Variants in HNRNPLL observed in about 807,000 individuals in gnomAD.
The protein encoded by HNRNPLL is heterogeneous nuclear ribonucleoprotein L-like.
A neutral mutation model predicts 67.1 loss-of-function variants in HNRNPLL; 25 were observed. The ratio of observed to expected loss-of-function variants is 0.37; its 90% CI spans 0.27 to 0.52. HNRNPLL has a LOEUF of 0.52. HNRNPLL is among the 20% of genes least tolerant of loss of function. The pLI is 0.90. For missense variants in HNRNPLL, 542 were observed against 673.9 expected, an observed-to-expected ratio of 0.80 and a Z score of 2.17; for synonymous variants, 267 against 241.7, an observed-to-expected ratio of 1.10 and a Z score of -0.97.
intron 2 of HNRNPLL, among the ~76,000 whole-genome samples, chr2:38,589,920 T>C (rs1666894772): frequency 6.6e-6 from 1 of 152,144 alleles, no homozygotes; most frequent in Admixed American, 6.5e-5. Context: ...CATAGGACAA[T>C]GTGCCACTTA....
At chr2:38,601,166 T>C (rs1466842933) in intron 1 of HNRNPLL, among the ~76,000 whole-genome samples, 1 of 152,252 alleles carries the variant, frequency 6.6e-6, no homozygotes, top group East Asian at 1.9e-4. Context: ...TTCAAATAGC[T>C]CGGCACAAAA....
Position 38,602,880 on chromosome 2 carries a change from T to G in HNRNPLL, c.-254A>C. On this transcript the variant is annotated 5_prime_UTR_variant, in exon 1 of 13. Transcript: ENST00000449105. ...ACCGAGCCAACATTCAGCCTCTCCC[T>G]CCTCCTCCTCCGTCTCCGCTCCCTG... 1 of 1,523,308 alleles carries G rather than the reference T, an allele frequency of 6.6e-7. No homozygotes were observed. The highest frequency in any genetic ancestry group is 8.9e-7 in the Non-Finnish European group (1 of 1,125,778). 94.4% of individuals were successfully genotyped at this position (1,523,308 alleles called of 1,614,324 possible).
intron 6 of HNRNPLL, 134 bp downstream of exon 6, chr2:38,581,779 C>A: frequency 3.0e-6 from 2 of 669,796 alleles, no homozygotes; most frequent in Non-Finnish European, 5.3e-6. Flanking sequence ...CATTACATGG[C>A]CTTTTGCAAC....
At chr2:38,567,407 T>C (rs1665909682) in intron 12 of HNRNPLL, among the ~76,000 whole-genome samples, 1 of 152,148 alleles carries the variant, frequency 6.6e-6, no homozygotes, top group Non-Finnish European at 1.5e-5. Context: ...TGAGTCACAG[T>C]GCCTAGCCAA....
At chr2:38,571,488 T>C (rs897175083) in intron 8 of HNRNPLL, among the ~76,000 whole-genome samples, 9 of 152,202 alleles carry the variant, frequency 5.9e-5, no homozygotes, top group African/African-American at 2.2e-4. Flanking sequence ...AAATGCAACA[T>C]GGCTTCTATT....
chr2:38,566,351 G>C (rs1301145828), intron 12 of HNRNPLL, among the ~76,000 whole-genome samples: 1 of 130,886 alleles, frequency 7.6e-6, no homozygotes, highest in African/African-American at 3.0e-5. Context: ...CTGGGGGACA[G>C]AGCAAGACTC....
rs1244579585 is a variant in HNRNPLL at position 38,563,239 on chromosome 2, T to G, written c.*943A>C. The G allele has an allele frequency of 6.6e-6, 1 of 152,038 alleles. No individual in the cohort carries two copies. The highest frequency in any genetic ancestry group is 1.5e-5 in the Non-Finnish European group (1 of 67,930). 9.4% of individuals were successfully genotyped at this position (152,038 alleles called of 1,614,324 possible). On this transcript the variant is annotated 3_prime_UTR_variant, in exon 13 of 13. Coordinates refer to ENST00000449105, the MANE Select transcript of HNRNPLL (RefSeq NM_138394.4). ...GTATTGAGACAAATAGCTATCTGTTTGGAATAAAAATAAAATTAGATCCTT... is the reference window on the plus strand; with the variant it reads ...GTATTGAGACAAATAGCTATCTGTTGGGAATAAAAATAAAATTAGATCCTT...
At chr2:38,569,071 TA>T in intron 10 of HNRNPLL, 61 bp downstream of exon 10, 2 of 1,213,540 alleles carry the variant, frequency 1.6e-6, no homozygotes, top group Non-Finnish European at 2.4e-6. Flanking sequence ...AAAATGAAGC[TA>T]AAACAGATTT....
chr2:38,602,274 AG>A, intron 1 of HNRNPLL, 163 bp downstream of exon 1: 1 of 626,362 alleles, frequency 1.6e-6, no homozygotes, highest in Non-Finnish European at 2.6e-6. Flanking sequence ...TGCGGGAAAC[AG>A]GTAGAGGCCA....
chr2:38,568,332 C>T (rs1179906947), intron 11 of HNRNPLL, 35 bp from the exon 12 acceptor site: 1 of 1,604,244 alleles, frequency 6.2e-7, no homozygotes, highest in East Asian at 2.2e-5. Flanking sequence ...GTTATTATTA[C>T]TTGCTTATCA....
At position 38,592,763 on chromosome 2, in the gene HNRNPLL, CG is replaced by C. The variant is rs1197614999; in HGVS notation, c.190-1116del. On this transcript the variant is annotated intron_variant, in intron 1 of 12. Transcript: ENST00000449105. ...ATGCCATCAGGCACTTCTCTTGCAT[CG>C]TAACTTCAGAAATGACTTCCACCGT... Among the ~76,000 whole-genome samples, 3 of 152,206 alleles carry C rather than the reference CG, an allele frequency of 2.0e-5. No individual in the cohort carries two copies. The East Asian group carries it at 5.8e-4, about 29-fold the overall frequency.
intron 12 of HNRNPLL, among the ~76,000 whole-genome samples, chr2:38,564,691 G>C (rs1052332134): frequency 9.2e-5 from 14 of 151,450 alleles, no homozygotes; most frequent in African/African-American, 3.4e-4. Flanking sequence ...TTACTGGAAG[G>C]TAAGCTCATG....
At chr2:38,580,163 T>A (rs1302903074) in intron 6 of HNRNPLL, among the ~76,000 whole-genome samples, 31 of 152,126 alleles carry the variant, frequency 2.0e-4, no homozygotes, top group Non-Finnish European at 5.9e-5. Flanking sequence ...GAGATTTTTT[T>A]AAAAAAACAA....
In HNRNPLL at chr2:38,573,438, G is replaced by T; in HGVS notation, c.875-11C>A. 1 of 1,555,384 alleles carries T rather than the reference G, an allele frequency of 6.4e-7. No individual in the cohort carries two copies. Among genetic ancestry groups the T allele is most frequent in the South Asian group, 1.1e-5 (1 of 87,968 alleles). ...ATGGACCATGGGATCCTATAAAAAT[G>T]ATCAAAATAAATAAATTAGTTAACA... On this transcript the variant is annotated splice_polypyrimidine_tract_variant and intron_variant, in intron 7 of 12. Transcript: ENST00000449105.
intron 7 of HNRNPLL, 42 bp downstream of exon 7, chr2:38,577,415 TCAAA>T: frequency 8.6e-7 from 1 of 1,156,318 alleles, no homozygotes; most frequent in Non-Finnish European, 1.3e-6. Context: ...ATGCAGCAAG[TCAAA>T]CAGTTCATCT....
At chr2:38,570,774 C>T (rs1407016059) in intron 8 of HNRNPLL, among the ~76,000 whole-genome samples, 5 of 152,048 alleles carry the variant, frequency 3.3e-5, no homozygotes, top group Non-Finnish European at 7.4e-5. Flanking sequence ...GGTGCAGTGG[C>T]TCACACTTGT....
chr2:38,600,539 G>A (rs574245540), intron 1 of HNRNPLL, among the ~76,000 whole-genome samples: 71 of 152,046 alleles, frequency 4.7e-4, no homozygotes, highest in Admixed American at 1.3e-3. Context: ...ACTAGCTTTG[G>A]CAATATGGTG....
chr2:38,573,439 A>T lies in HNRNPLL; in HGVS notation c.875-12T>A. 6.5e-7 allele frequency: 1 copy of T among 1,537,956 alleles called. No individual in the cohort carries two copies. Among genetic ancestry groups the T allele is most frequent in the Non-Finnish European group, 8.9e-7 (1 of 1,117,968 alleles). ...TGGACCATGGGATCCTATAAAAATG[A>T]TCAAAATAAATAAATTAGTTAACAT... On this transcript the variant is annotated splice_polypyrimidine_tract_variant and intron_variant, in intron 7 of 12. Coordinates refer to ENST00000449105, the MANE Select transcript of HNRNPLL (RefSeq NM_138394.4).
intron 1 of HNRNPLL, among the ~76,000 whole-genome samples, chr2:38,600,749 CAA>C (rs58338837): frequency 2.3e-5 from 3 of 131,422 alleles, no homozygotes; most frequent in African/African-American, 2.8e-5. Context: ...GAGATCCTCT[CAA>C]AAAAAAAAAA....
Sources: allele counts gnomAD v4.1 joint callset (sites outside exome capture counted in the v4.1 genomes callset), GRCh38; gene constraint gnomAD v4.1.1; transcripts MANE v1.5; gene names NCBI Gene and HGNC (gene_info 2026-07-23, HGNC 2026-07-21).